The following FOLH1 variants were observed in gnomAD, a reference collection of about 807,000 sequenced individuals.
FOLH1 encodes the protein folate hydrolase 1.
In FOLH1, 54 loss-of-function variants were observed where a neutral mutation model predicts 93.9. The ratio of observed to expected loss-of-function variants is 0.57; its 90% CI spans 0.46 to 0.72. FOLH1 has a LOEUF of 0.72. Among genes scored for constraint, FOLH1 ranks in the 30% least tolerant of loss-of-function variants. The probability of loss-of-function intolerance (pLI) is 0.00; values close to 1 mark genes in which losing one functional copy is unlikely to be tolerated. For missense variants in FOLH1, 571 were observed against 892.5 expected, an observed-to-expected ratio of 0.64 and a Z score of 4.59; for synonymous variants, 249 against 303.6, an observed-to-expected ratio of 0.82 and a Z score of 1.87.
Position 49,198,366 on chromosome 11 carries a change from C to CGGG in FOLH1, c.411+1888_411+1889insCCC, listed in dbSNP as rs1323262170. The stretch of plus-strand genomic sequence containing the variant: ...GCGTCGTGGCGGGAGCCTGTAGTCC[C>CGGG]AGCTACTAGGGAGGCTGAGACAGGA... On this transcript the variant is annotated intron_variant, in intron 3 of 18. Transcript: ENST00000256999. Among the ~76,000 whole-genome samples the CGGG allele has an allele frequency of 4.6e-5, 7 of 151,916 alleles. No homozygotes were observed. The East Asian group carries it at 1.4e-3, about 30-fold the overall frequency.
intron 3 of FOLH1, among the ~76,000 whole-genome samples, chr11:49,199,780 G>A (rs1204203481): frequency 6.6e-6 from 1 of 151,976 alleles, no homozygotes; most frequent in East Asian, 1.9e-4. Flanking sequence ...GTGTGGTGGT[G>A]CACACCTGTA....
chr11:49,176,996 C>T (rs1419550301), intron 7 of FOLH1, among the ~76,000 whole-genome samples: 1 of 152,234 alleles, frequency 6.6e-6, no homozygotes, highest in Non-Finnish European at 1.5e-5. Context: ...CCAGGCTGTG[C>T]GGTGCAGCAT....
At chr11:49,190,094 C>A (rs1861856300) in intron 4 of FOLH1, among the ~76,000 whole-genome samples, 1 of 152,128 alleles carries the variant, frequency 6.6e-6, no homozygotes, top group Non-Finnish European at 1.5e-5. Context: ...AGTCATTAAC[C>A]AATGTGATTT....
At chr11:49,183,784 C>T (rs1371607155) in intron 6 of FOLH1, among the ~76,000 whole-genome samples, 1 of 151,946 alleles carries the variant, frequency 6.6e-6, no homozygotes, top group Admixed American at 6.6e-5. Context: ...TTTGATTCCA[C>T]TTACTTGAAG....
rs1340721255 is a variant in FOLH1 at position 49,175,909 on chromosome 11, G to C, written c.969C>G (p.Leu323=). ...CAGGTCCAACATTGTAGGGCACTTTGAGACTTCCTCTCCAGCTGCTATCTG... is the reference window on the plus strand; with the variant it reads ...CAGGTCCAACATTGTAGGGCACTTTCAGACTTCCTCTCCAGCTGCTATCTG... ...APPDSSWRGS[L]KVPYNVGPGF... is the part of the protein sequence containing the mutation. Residue 323 remains leucine, a synonymous_variant, in exon 8 of 19, where the codon CTC becomes CTG. Transcript: ENST00000256999. 1.9e-6 allele frequency: 3 copies of C among 1,613,692 alleles called. No homozygotes were observed. The highest frequency in any genetic ancestry group is 1.7e-6 in the Non-Finnish European group (2 of 1,179,788).
At chr11:49,206,702 T>C (rs1353424685) in intron 1 of FOLH1, 1 of 1,404,508 alleles carries the variant, frequency 7.1e-7, no homozygotes, top group Non-Finnish European at 9.7e-7. Flanking sequence ...AACAAAATGC[T>C]GTGAGAGTTT....
intron 4 of FOLH1, among the ~76,000 whole-genome samples, chr11:49,190,697 C>T (rs969071371): frequency 4.6e-5 from 7 of 152,138 alleles, no homozygotes; most frequent in African/African-American, 1.7e-4. Context: ...GCTTGAGAAC[C>T]ACTAGATAGA....
intron 7 of FOLH1, among the ~76,000 whole-genome samples, chr11:49,182,842 C>T (rs1389312106): frequency 6.6e-6 from 1 of 152,050 alleles, no homozygotes; most frequent in East Asian, 1.9e-4. Context: ...AGAACACCTA[C>T]AGGAAGCATG....
chr11:49,191,346 T>C (rs1044614622), intron 4 of FOLH1, among the ~76,000 whole-genome samples: 7 of 152,256 alleles, frequency 4.6e-5, no homozygotes, highest in East Asian at 1.9e-4. Flanking sequence ...TGGACATACA[T>C]AGTTTTGAAA....
intron 6 of FOLH1, among the ~76,000 whole-genome samples, chr11:49,184,611 G>C (rs1370227233): frequency 6.6e-6 from 1 of 151,950 alleles, no homozygotes; most frequent in Admixed American, 6.6e-5. Flanking sequence ...AAAAATCTCT[G>C]ACAATGTATT....
intron 4 of FOLH1, among the ~76,000 whole-genome samples, chr11:49,190,927 T>A (rs1370326224): frequency 6.6e-6 from 1 of 152,210 alleles, no homozygotes; most frequent in Non-Finnish European, 1.5e-5. Flanking sequence ...TTTAAAAATC[T>A]TAAATGAATG....
At chr11:49,157,539 T>A (rs61886487) in intron 14 of FOLH1, among the ~76,000 whole-genome samples, 5,188 of 151,958 alleles carry the variant, frequency 0.034, 125 homozygotes, top group Non-Finnish European at 0.052. Context: ...AGCACCTACA[T>A]GACACTGAAA....
At chr11:49,177,080 T>C (rs1391293671) in intron 7 of FOLH1, among the ~76,000 whole-genome samples, 1 of 152,222 alleles carries the variant, frequency 6.6e-6, no homozygotes, top group Non-Finnish European at 1.5e-5. Flanking sequence ...TGAGGAAATA[T>C]GAATAGCTCA....
At chr11:49,174,389 G>A (rs1478499457) in intron 9 of FOLH1, among the ~76,000 whole-genome samples, 1 of 152,076 alleles carries the variant, frequency 6.6e-6, no homozygotes, top group Non-Finnish European at 1.5e-5. Context: ...GTATTAATCA[G>A]TAGATCATCT....
intron 7 of FOLH1, among the ~76,000 whole-genome samples, chr11:49,180,639 C>T (rs1440579803): frequency 6.6e-6 from 1 of 152,126 alleles, no homozygotes; most frequent in Non-Finnish European, 1.5e-5. Context: ...TTGAGAGAAC[C>T]TCAGAATTGA....
At chr11:49,175,258 GGGTGGTAAAT>G (rs1476749463) in intron 8 of FOLH1, among the ~76,000 whole-genome samples, 1 of 152,044 alleles carries the variant, frequency 6.6e-6, no homozygotes, top group Admixed American at 6.6e-5. Context: ...TGGTTTTGAG[GGGTGGTAAAT>G]GGTTTTCAAG....
At chr11:49,172,416 T>C (rs1259037230) in intron 10 of FOLH1, among the ~76,000 whole-genome samples, 2 of 152,266 alleles carry the variant, frequency 1.3e-5, no homozygotes, top group East Asian at 3.9e-4. Flanking sequence ...GGACTGGTAG[T>C]GAGAAATTTG....
chr11:49,160,443 G>GT (rs1009656946), intron 13 of FOLH1, among the ~76,000 whole-genome samples: 55 of 151,346 alleles, frequency 3.6e-4, no homozygotes, highest in Admixed American at 2.6e-4. Context: ...TCTTTCTAAT[G>GT]TTTTTTTCTT....
intron 1 of FOLH1, among the ~76,000 whole-genome samples, chr11:49,207,081 T>A (rs1199093665): frequency 6.6e-6 from 1 of 152,162 alleles, no homozygotes; most frequent in Non-Finnish European, 1.5e-5. Context: ...GAAATAAGAT[T>A]CCACCTGTGC....
Sources: allele counts gnomAD v4.1 joint callset (sites outside exome capture counted in the v4.1 genomes callset), GRCh38; gene constraint gnomAD v4.1.1; transcripts MANE v1.5; gene names NCBI Gene and HGNC (gene_info 2026-07-23, HGNC 2026-07-21).